Variants in HCRTR2 observed in about 807,000 individuals in gnomAD.
HCRTR2 encodes hypocretin receptor 2.
A neutral mutation model predicts 49.0 loss-of-function variants in HCRTR2; 22 were observed. That is an observed-to-expected ratio of 0.45 (90% CI 0.32 to 0.64). HCRTR2 has a LOEUF of 0.64. HCRTR2 is among the 30% of genes least tolerant of loss of function. The pLI is 0.04. For missense variants in HCRTR2, 491 were observed against 559.4 expected (o/e 0.88, Z 1.23); for synonymous variants, 236 against 205.3 (o/e 1.15, Z -1.28).
rs571177525 is a variant in HCRTR2 at position 55,133,188 on chromosome 6, A to AT, written c.-378+26651dup. Among the ~76,000 whole-genome samples the AT allele has an allele frequency of 3.3e-3, 503 of 151,652 alleles. 7 individuals carry two copies. Among genetic ancestry groups the AT allele is most frequent in the African/African-American group, 0.011 (476 of 41,406 alleles). On this transcript the variant is annotated intron_variant, in intron 1 of 7. Transcript: ENST00000615358. ...ATGGTAGGACTTATTTTTAGAGTAA[A>AT]TTTTTTTTACCTCGGTACAGTCTAG...
At chr6:55,216,776 T>C (rs1439525281) in intron 1 of HCRTR2, among the ~76,000 whole-genome samples, 2 of 152,180 alleles carry the variant, frequency 1.3e-5, no homozygotes. Context: ...CTGGTGTTTC[T>C]ATAATTCTAG....
At position 55,282,403 on chromosome 6, in the gene HCRTR2, C is replaced by A; in HGVS notation, c.1284C>A (p.Ser428Arg). Reference protein sequence around the residue: ...SKLSEQVVLTSISTLPAANGA... With the variant: ...SKLSEQVVLTRISTLPAANGA... Reference sequence around the variant, plus strand: ...TTTCTGAGCAAGTTGTGCTCACTAGCATAAGCACACTCCCAGCAGCCAATG... The same window carrying A: ...TTTCTGAGCAAGTTGTGCTCACTAGAATAAGCACACTCCCAGCAGCCAATG... Residue 428 changes from serine to arginine, a missense_variant, in exon 7 of 7, where the codon AGC becomes AGA. Coordinates refer to ENST00000370862, the MANE Select transcript of HCRTR2 (RefSeq NM_001384272.1). 1 of 1,612,290 alleles carries A rather than the reference C, an allele frequency of 6.2e-7. No individual in the cohort carries two copies. Among genetic ancestry groups the A allele is most frequent in the Non-Finnish European group, 8.5e-7 (1 of 1,178,616 alleles).
At chr6:55,187,710 T>C (rs530203600) in intron 1 of HCRTR2, among the ~76,000 whole-genome samples, 7 of 119,820 alleles carry the variant, frequency 5.8e-5, no homozygotes, top group African/African-American at 2.2e-4. Flanking sequence ...TTTTTACAGG[T>C]AGTGACATTC....
intron 1 of HCRTR2, among the ~76,000 whole-genome samples, chr6:55,113,078 G>A (rs545569633): frequency 5.6e-4 from 85 of 152,206 alleles, no homozygotes; most frequent in Non-Finnish European, 9.3e-4. Flanking sequence ...CAAGCCACAT[G>A]TAGAAGAATC....
intron 1 of HCRTR2, among the ~76,000 whole-genome samples, chr6:55,120,287 G>A (rs960215222): frequency 6.6e-6 from 1 of 151,874 alleles, no homozygotes; most frequent in African/African-American, 2.4e-5. Flanking sequence ...TTCCAATTCT[G>A]TGAAGAAAGT....
intron 1 of HCRTR2, among the ~76,000 whole-genome samples, chr6:55,140,700 T>G (rs1424461292): frequency 1.3e-5 from 2 of 152,166 alleles, no homozygotes; most frequent in African/African-American, 4.8e-5. Context: ...CTAACATCAT[T>G]TTGTGATGCA....
intron 1 of HCRTR2, among the ~76,000 whole-genome samples, chr6:55,139,714 G>A (rs892258800): frequency 2.6e-5 from 4 of 152,100 alleles, no homozygotes; most frequent in Non-Finnish European, 5.9e-5. Context: ...GCATTATTAT[G>A]CATAACTATT....
At position 55,121,310 on chromosome 6, in the gene HCRTR2, T is replaced by G. The variant is rs138704178; in HGVS notation, c.-378+14765T>G. Among the ~76,000 whole-genome samples the G allele has an allele frequency of 3.3e-3, 509 of 152,292 alleles. 7 individuals carry two copies. Among genetic ancestry groups the G allele is most frequent in the African/African-American group, 0.012 (483 of 41,578 alleles). On this transcript the variant is annotated intron_variant, in intron 1 of 7. Coordinates refer to the HCRTR2 transcript ENST00000615358. The stretch of plus-strand genomic sequence containing the variant: ...TGGTGTATAGGAATGTTTGTGATTT[T>G]TGCACATTGATTTTGTATCCTGAGA...
At chr6:55,152,156 T>C (rs967998622) in intron 1 of HCRTR2, among the ~76,000 whole-genome samples, 3 of 151,988 alleles carry the variant, frequency 2.0e-5, no homozygotes, top group African/African-American at 7.2e-5. Context: ...TCATACTGCT[T>C]TCCATAGTGG....
intron 1 of HCRTR2, among the ~76,000 whole-genome samples, chr6:55,159,585 C>A (rs1009714361): frequency 1.3e-5 from 2 of 152,094 alleles, no homozygotes; most frequent in Admixed American, 6.6e-5. Flanking sequence ...AGCTAAGAAC[C>A]TTGAAAAATG....
At chr6:55,194,810 A>G (rs1765381762) in intron 1 of HCRTR2, among the ~76,000 whole-genome samples, 1 of 152,128 alleles carries the variant, frequency 6.6e-6, no homozygotes, top group Non-Finnish European at 1.5e-5. Flanking sequence ...TAAGACATTA[A>G]TGACAGTGCT....
At chr6:55,260,603 C>T (rs536770368) in intron 3 of HCRTR2, among the ~76,000 whole-genome samples, 1 of 152,168 alleles carries the variant, frequency 6.6e-6, no homozygotes, top group Admixed American at 6.6e-5. Flanking sequence ...CACATGCATC[C>T]TACTGACCCT....
At chr6:55,243,830 A>G (rs1227723724) in intron 1 of HCRTR2, among the ~76,000 whole-genome samples, 2 of 152,124 alleles carry the variant, frequency 1.3e-5, no homozygotes, top group Non-Finnish European at 2.9e-5. Context: ...TTAGAATGCA[A>G]TTTATGGCCA....
At chr6:55,141,904 T>C (rs1764512658) in intron 1 of HCRTR2, among the ~76,000 whole-genome samples, 1 of 152,138 alleles carries the variant, frequency 6.6e-6, no homozygotes. Context: ...GTAAAATACA[T>C]GCAAGAATTA....
intron 4 of HCRTR2, among the ~76,000 whole-genome samples, chr6:55,268,121 A>C (rs962873455): frequency 3.3e-5 from 5 of 152,186 alleles, no homozygotes; most frequent in African/African-American, 9.6e-5. Context: ...CATTGGCATA[A>C]TCTAAGCAGC....
intron 1 of HCRTR2, among the ~76,000 whole-genome samples, chr6:55,231,651 G>A (rs1231270277): frequency 1.3e-5 from 2 of 152,054 alleles, no homozygotes; most frequent in Admixed American, 1.3e-4. Flanking sequence ...AAAAAATTGA[G>A]TGAAATAAAA....
At chr6:55,139,882 A>C (rs917990850) in intron 1 of HCRTR2, among the ~76,000 whole-genome samples, 1 of 152,198 alleles carries the variant, frequency 6.6e-6, no homozygotes, top group Non-Finnish European at 1.5e-5. Flanking sequence ...TTTTTCTAGA[A>C]AGTGAGTTCT....
upstream of HCRTR2, among the ~76,000 whole-genome samples, chr6:55,172,310 C>T (rs1764962393): frequency 6.6e-6 from 1 of 152,146 alleles, no homozygotes; most frequent in Non-Finnish European, 1.5e-5. Context: ...TACTCATCAT[C>T]ACCTCATCCT....
At chr6:55,251,367 C>T (rs1766546657) in intron 2 of HCRTR2, among the ~76,000 whole-genome samples, 1 of 152,094 alleles carries the variant, frequency 6.6e-6, no homozygotes, top group African/African-American at 2.4e-5. Flanking sequence ...TGTTATAAAG[C>T]TTAGCTGAAT....
Sources: allele counts gnomAD v4.1 joint callset (sites outside exome capture counted in the v4.1 genomes callset), GRCh38; gene constraint gnomAD v4.1.1; transcripts MANE v1.5; gene names NCBI Gene and HGNC (gene_info 2026-07-23, HGNC 2026-07-21).